Variants in NRSN1 observed in about 807,000 individuals in gnomAD.
NRSN1 encodes the protein neurensin-1.
NRSN1 carries 14 observed loss-of-function variants against 17.3 expected under a neutral mutation model. The ratio of observed to expected loss-of-function variants is 0.81; its 90% confidence interval spans 0.54 to 1.27. NRSN1 has a LOEUF of 1.27. Ranked by LOEUF, NRSN1 falls within the 50% of genes most tolerant of loss-of-function variation. NRSN1 has a pLI of 0.00. For missense variants in NRSN1, 209 were observed against 235.9 expected, an observed-to-expected ratio of 0.89 and a Z score of 0.75; for synonymous variants, 79 against 94.2, an observed-to-expected ratio of 0.84 and a Z score of 0.93.
chr6:24,136,538 T>A (rs903927617), intron 3 of NRSN1, among the ~76,000 whole-genome samples: 1 of 138,990 alleles, frequency 7.2e-6, no homozygotes, highest in South Asian at 2.5e-4. Context: ...TGTTTCCCTA[T>A]TTGTCAAAAA....
At chr6:24,133,859 C>T (rs987324098) in intron 2 of NRSN1, among the ~76,000 whole-genome samples, 4 of 152,034 alleles carry the variant, frequency 2.6e-5, no homozygotes, top group Non-Finnish European at 2.9e-5. Flanking sequence ...TTTATTGAGA[C>T]GGAGTCTCAC....
intron 3 of NRSN1, among the ~76,000 whole-genome samples, chr6:24,142,617 G>T (rs965303840): frequency 1.3e-5 from 2 of 152,070 alleles, no homozygotes; most frequent in African/African-American, 2.4e-5. Flanking sequence ...GCCCCACCAT[G>T]CCTGGCTAAT....
chr6:24,142,191 C>CCTTTTTTTTTT (rs1554140616), intron 3 of NRSN1, among the ~76,000 whole-genome samples: 1 of 44,446 alleles, frequency 2.2e-5, no homozygotes, highest in Non-Finnish European at 4.2e-5. Flanking sequence ...TACAGAACAG[C>CCTTTTTTTTTT]TTTTTTTTTT....
At chr6:24,141,049 T>C (rs1187717812) in intron 3 of NRSN1, 12 of 1,472,204 alleles carry the variant, frequency 8.2e-6, no homozygotes, top group African/African-American at 5.7e-5. Context: ...TCTGTCGCCA[T>C]TGGGATTGGC....
rs573620807 is a variant in NRSN1, at chr6:24,134,561, T to C, written c.189+45T>C. 71 of 1,512,562 alleles carry C rather than the reference T, an allele frequency of 4.7e-5. No homozygotes were observed. In the East Asian group the frequency reaches 1.6e-3, roughly 34 times the overall value. 93.7% of individuals were successfully genotyped at this position (1,512,562 alleles called of 1,614,324 possible). ...TTAACTTAGGGAATGGAAAAATTAT[T>C]GGACATGGTTAATACTGCAGCTGTG... On this transcript the variant is annotated intron_variant, in intron 3 of 3. Coordinates refer to ENST00000378491, the MANE Select transcript of NRSN1 (RefSeq NM_080723.5).
intron 2 of NRSN1, among the ~76,000 whole-genome samples, chr6:24,130,669 T>G (rs1398997724): frequency 6.6e-6 from 1 of 152,142 alleles, no homozygotes; most frequent in Non-Finnish European, 1.5e-5. Context: ...GTCTACCTAG[T>G]AGCAAGTAAC....
chr6:24,127,051 G>GA (rs1278011256), intron 1 of NRSN1, among the ~76,000 whole-genome samples: 2 of 151,834 alleles, frequency 1.3e-5, no homozygotes, highest in East Asian at 1.9e-4. Flanking sequence ...GAAGCTGACA[G>GA]AAAAAAGAAG....
At chr6:24,126,547 C>T (rs72828933) in intron 1 of NRSN1, among the ~76,000 whole-genome samples, 9 of 152,146 alleles carry the variant, frequency 5.9e-5, no homozygotes, top group Non-Finnish European at 1.3e-4. Context: ...TCGGTGAAAA[C>T]ATACAAATTA....
intron 3 of NRSN1, among the ~76,000 whole-genome samples, chr6:24,142,644 A>G (rs1249109870): frequency 2.6e-5 from 4 of 151,940 alleles, no homozygotes; most frequent in Non-Finnish European, 4.4e-5. Context: ...TTTTTAGTAG[A>G]GATGGGGTTT....
In NRSN1 at chr6:24,147,376, T is replaced by C. The variant is rs1484372182; in HGVS notation, c.*1430T>C. The C allele has an allele frequency of 6.8e-6, 1 of 147,650 alleles. No individual in the cohort carries two copies. The highest frequency in any genetic ancestry group is 2.2e-4 in the East Asian group (1 of 4,458). The allele number at this position is 147,650 out of a possible 1,614,324, so 9.1% of individuals were successfully genotyped here. A position where few individuals can be genotyped will look rare whatever the true frequency, so the allele number is the denominator to read the frequency against. ...CCCCCTTTTTTTTTTCTTCCTTCACTGGATAAATAAAATATGTGAACAAGT... is the reference window on the plus strand; with the variant it reads ...CCCCCTTTTTTTTTTCTTCCTTCACCGGATAAATAAAATATGTGAACAAGT... On this transcript the variant is annotated 3_prime_UTR_variant, in exon 4 of 4. Transcript: ENST00000378491.
At chr6:24,138,158 A>T (rs1449728195) in intron 3 of NRSN1, among the ~76,000 whole-genome samples, 1 of 152,116 alleles carries the variant, frequency 6.6e-6, no homozygotes, top group Non-Finnish European at 1.5e-5. Flanking sequence ...GGGATGTCAT[A>T]ATCAGGTATA....
rs951294909 is a variant in NRSN1 at position 24,146,029 on chromosome 6, T to C, written c.*83T>C. On this transcript the variant is annotated 3_prime_UTR_variant, in exon 4 of 4. Transcript: ENST00000378491. Reference sequence around the variant, plus strand: ...GCCAGTTTTCGAGATAAAGAAGATTTGGCGTTGACTGCCCTAGGGCTGTGT... The same window carrying C: ...GCCAGTTTTCGAGATAAAGAAGATTCGGCGTTGACTGCCCTAGGGCTGTGT... 2.1e-5 allele frequency: 28 copies of C among 1,352,896 alleles called. No homozygotes were observed. The highest frequency in any genetic ancestry group is 2.9e-5 in the Non-Finnish European group (28 of 960,248). 83.8% of individuals were successfully genotyped at this position (1,352,896 alleles called of 1,614,324 possible). A position where few individuals can be genotyped will look rare whatever the true frequency, so the allele number is the denominator to read the frequency against.
chr6:24,128,774 C>T (rs1458445870), intron 2 of NRSN1: 4 of 152,170 alleles, frequency 2.6e-5, no homozygotes, highest in African/African-American at 4.8e-5. Context: ...ATCTCAGAAT[C>T]ATTTTATGGG....
At chr6:24,137,218 A>G (rs981245313) in intron 3 of NRSN1, among the ~76,000 whole-genome samples, 5 of 152,200 alleles carry the variant, frequency 3.3e-5, no homozygotes, top group East Asian at 1.9e-4. Context: ...AGTGGGCAGC[A>G]TGGCAAGACT....
intron 3 of NRSN1, among the ~76,000 whole-genome samples, chr6:24,143,376 G>A (rs2113717994): frequency 6.6e-6 from 1 of 152,278 alleles, no homozygotes; most frequent in East Asian, 1.9e-4. Flanking sequence ...CTCATAAGAT[G>A]CTTGTGAAGA....
At position 24,146,127 on chromosome 6, in the gene NRSN1, T is replaced by A; in HGVS notation, c.*181T>A. On this transcript the variant is annotated 3_prime_UTR_variant, in exon 4 of 4. Coordinates refer to ENST00000378491, the MANE Select transcript of NRSN1 (RefSeq NM_080723.5). ...GCAGCTCTGCTGGAGGGCGGTGCCA[T>A]GCCTAAGCCTGTGCACATGCATCCA... The A allele has an allele frequency of 1.4e-6, 1 of 735,888 alleles. No individual in the cohort carries two copies. The allele number at this position is 735,888 out of a possible 1,614,324, so 45.6% of individuals were successfully genotyped here.
intron 2 of NRSN1, among the ~76,000 whole-genome samples, chr6:24,131,944 G>A (rs1039893153): frequency 1.3e-5 from 2 of 152,068 alleles, no homozygotes; most frequent in South Asian, 2.1e-4. Context: ...GTTCGTGTGT[G>A]GGGGAGTGCA....
Position 24,145,591 on chromosome 6 carries a change from C to T in NRSN1, c.233C>T (p.Thr78Ile). Residue 78 changes from threonine (T) to isoleucine (I), a missense_variant, in exon 4 of 4, where the codon ACT (threonine) becomes ATT (isoleucine). Thr to Ile is a moderately conservative substitution (Grantham distance 89). Transcript: ENST00000378491. The surrounding 1 kb of genome is among the most constrained non-coding windows in gnomAD (Gnocchi z 4.4). ...SGTVFVILGL[T>I]VLAVGFLVPP... ...ACAGTTTTTGTGATCCTCGGATTGACTGTTCTGGCAGTGGGCTTTCTTGTG... is the reference window on the plus strand; with the variant it reads ...ACAGTTTTTGTGATCCTCGGATTGATTGTTCTGGCAGTGGGCTTTCTTGTG... The T allele has an allele frequency of 6.2e-7, 1 of 1,609,180 alleles. No individual in the cohort carries two copies. Among genetic ancestry groups the T allele is most frequent in the Non-Finnish European group, 8.5e-7 (1 of 1,177,002 alleles).
intron 3 of NRSN1, among the ~76,000 whole-genome samples, chr6:24,136,954 G>GTGAA (rs1287428189): frequency 6.6e-6 from 1 of 152,206 alleles, no homozygotes; most frequent in Non-Finnish European, 1.5e-5. Flanking sequence ...AGGAATATGA[G>GTGAA]TGAATTCATG....
Sources: allele counts gnomAD v4.1 joint callset (sites outside exome capture counted in the v4.1 genomes callset), GRCh38; gene constraint gnomAD v4.1.1; non-coding constraint Gnocchi (gnomAD v3.1); transcripts MANE v1.5; gene names NCBI Gene and HGNC (gene_info 2026-07-23, HGNC 2026-07-21).